Variants in COX10 observed in about 807,000 individuals in gnomAD.
COX10 encodes protoheme IX farnesyltransferase, mitochondrial.
COX10 carries 27 observed loss-of-function variants against 37.3 expected under a neutral mutation model. The ratio of observed to expected loss-of-function variants is 0.72; its 90% CI spans 0.53 to 1.00. The LOEUF (loss-of-function observed/expected upper bound fraction) is 1.00. Among genes scored for constraint, COX10 ranks in the 50% least tolerant of loss-of-function variants. The pLI is 0.00. For synonymous variants in COX10, 222 were observed against 229.1 expected, an observed-to-expected ratio of 0.97 and a Z score of 0.28; for missense variants, 475 against 563.2, an observed-to-expected ratio of 0.84 and a Z score of 1.59.
At chr17:14,075,566 TTAAA>T (rs1489918196) in intron 2 of COX10, among the ~76,000 whole-genome samples, 2 of 152,130 alleles carry the variant, frequency 1.3e-5, no homozygotes, top group Non-Finnish European at 2.9e-5. Flanking sequence ...GTTTAGAAGA[TTAAA>T]TGAGATATAT....
chr17:14,114,845 G>T (rs1471387968), intron 4 of COX10, among the ~76,000 whole-genome samples: 1 of 151,974 alleles, frequency 6.6e-6, no homozygotes, highest in African/African-American at 2.4e-5. Flanking sequence ...ATAGTTGTTT[G>T]CTACTTGATT....
chr17:14,171,875 A>G (rs1905481439), intron 5 of COX10, among the ~76,000 whole-genome samples: 1 of 151,632 alleles, frequency 6.6e-6, no homozygotes, highest in Non-Finnish European at 1.5e-5. Context: ...TTTCCTTAAT[A>G]CCTTAATTTA....
In COX10 at chr17:14,133,925, T is replaced by A. The variant is rs186628102; in HGVS notation, c.625-25952T>A. Among the ~76,000 whole-genome samples, 1,020 of 151,764 alleles carry A rather than the reference T, an allele frequency of 6.7e-3. 3 individuals are homozygous for A. The highest frequency in any genetic ancestry group is 0.041 in the Middle Eastern group (12 of 294). On this transcript the variant is annotated intron_variant, in intron 4 of 6. Transcript: ENST00000261643. ...TATGTTTTCATATGGAAGTCTTTTCTTTTTTTAAAATTTGTTTAATATAAT... is the reference window on the plus strand; with the variant it reads ...TATGTTTTCATATGGAAGTCTTTTCATTTTTTAAAATTTGTTTAATATAAT...
At chr17:14,152,253 C>T (rs184070416) in intron 4 of COX10, among the ~76,000 whole-genome samples, 2 of 152,290 alleles carry the variant, frequency 1.3e-5, no homozygotes, top group East Asian at 3.9e-4. Context: ...ATTGCACCTA[C>T]AGTTCCACAT....
At chr17:14,172,085 C>A (rs1905487696) in intron 5 of COX10, among the ~76,000 whole-genome samples, 1 of 152,150 alleles carries the variant, frequency 6.6e-6, no homozygotes. Context: ...ACTTCTCTGC[C>A]TTCTTCCTAA....
chr17:14,147,829 T>C (rs1352908604), intron 4 of COX10, among the ~76,000 whole-genome samples: 1 of 151,682 alleles, frequency 6.6e-6, no homozygotes, highest in Non-Finnish European at 1.5e-5. Flanking sequence ...TTATAGACAG[T>C]TGAAAATTAC....
chr17:14,188,032 G>C (rs2529633), intron 5 of COX10, among the ~76,000 whole-genome samples: 25 of 151,290 alleles, frequency 1.7e-4, no homozygotes, highest in Non-Finnish European at 2.1e-4. Context: ...AGGGCTTTTC[G>C]TAACACTAAT....
At chr17:14,084,845 A>C (rs1432676323) in intron 3 of COX10, among the ~76,000 whole-genome samples, 1 of 152,126 alleles carries the variant, frequency 6.6e-6, no homozygotes, top group Non-Finnish European at 1.5e-5. Context: ...TTTTTAGTAG[A>C]GACGGGGTTT....
chr17:14,151,027 AATG>A (rs1904877915), intron 4 of COX10, among the ~76,000 whole-genome samples: 1 of 151,910 alleles, frequency 6.6e-6, no homozygotes, highest in African/African-American at 2.4e-5. Flanking sequence ...ACCAACTGAA[AATG>A]ATAACATTAT....
intron 6 of COX10, among the ~76,000 whole-genome samples, chr17:14,197,402 C>A (rs576746945): frequency 6.6e-6 from 1 of 152,154 alleles, no homozygotes; most frequent in Non-Finnish European, 1.5e-5. Context: ...CATAAAATAA[C>A]TCTAAGGATG....
chr17:14,172,992 T>G (rs1478007622), intron 5 of COX10, among the ~76,000 whole-genome samples: 1 of 152,190 alleles, frequency 6.6e-6, no homozygotes, highest in Non-Finnish European at 1.5e-5. Flanking sequence ...CATGTATGTC[T>G]TCTTTCAAAA....
chr17:14,113,685 G>A (rs551976352), intron 4 of COX10, among the ~76,000 whole-genome samples: 17 of 152,216 alleles, frequency 1.1e-4, no homozygotes, highest in African/African-American at 4.1e-4. Context: ...TTTTAAAAGA[G>A]GAGGAGTATG....
intron 4 of COX10, among the ~76,000 whole-genome samples, chr17:14,151,204 GC>G (rs535547878): frequency 1.8e-4 from 28 of 152,254 alleles, no homozygotes; most frequent in African/African-American, 6.7e-4. Flanking sequence ...AATGCAGTAA[GC>G]CTAACTGAAA....
intron 5 of COX10, among the ~76,000 whole-genome samples, chr17:14,190,818 GC>G (rs1318546540): frequency 6.6e-6 from 1 of 152,002 alleles, no homozygotes; most frequent in Non-Finnish European, 1.5e-5. Context: ...ATAGATACAG[GC>G]CCTCTCTCCT....
chr17:14,187,749 T>G (rs2529634), intron 5 of COX10, among the ~76,000 whole-genome samples: 7 of 152,292 alleles, frequency 4.6e-5, no homozygotes, highest in Admixed American at 2.6e-4. Flanking sequence ...AAGCTCTGAA[T>G]TCCACTGATT....
chr17:14,160,660 A>G lies in COX10; in HGVS notation c.695+713A>G, dbSNP rs534660584. On this transcript the variant is annotated intron_variant, in intron 5 of 6. Coordinates refer to ENST00000261643, the MANE Select transcript of COX10 (RefSeq NM_001303.4). The stretch of plus-strand genomic sequence containing the variant: ...ACACTTGTGAATCAAATGATCACAC[A>G]TATTTAAGTAAAATAATAAAGGAAG... 1.2e-4 allele frequency among the ~76,000 whole-genome samples: 18 copies of G among 152,360 alleles called. No homozygotes were observed. The East Asian group carries it at 2.3e-3, about 20-fold the overall frequency.
chr17:14,074,249 T>C (rs1567584992), intron 1 of COX10, 74 bp from the exon 2 acceptor site: 1 of 1,574,788 alleles, frequency 6.4e-7, no homozygotes, highest in East Asian at 2.2e-5. Flanking sequence ...GCTTTGCTTC[T>C]GGGGAGGTGT....
At chr17:14,100,792 A>G (rs970436673) in intron 3 of COX10, among the ~76,000 whole-genome samples, 2 of 150,854 alleles carry the variant, frequency 1.3e-5, no homozygotes, top group Non-Finnish European at 2.9e-5. Context: ...GAAGAGAAGC[A>G]AGATGGAAGC....
chr17:14,133,389 A>G (rs973728088), intron 4 of COX10, among the ~76,000 whole-genome samples: 1 of 151,686 alleles, frequency 6.6e-6, no homozygotes, highest in East Asian at 1.9e-4. Flanking sequence ...TTGAAGAAAT[A>G]TAATACTATT....
Sources: allele counts gnomAD v4.1 joint callset (sites outside exome capture counted in the v4.1 genomes callset), GRCh38; gene constraint gnomAD v4.1.1; transcripts MANE v1.5; gene names NCBI Gene and HGNC (gene_info 2026-07-23, HGNC 2026-07-21).